CCBE1: variants seen among roughly 807,000 people sequenced by gnomAD.
CCBE1 encodes collagen and calcium-binding EGF domain-containing protein 1.
CCBE1 carries 37 observed loss-of-function variants against 50.0 expected under a neutral mutation model. That is an observed-to-expected ratio of 0.74 (90% confidence interval 0.57 to 0.97). CCBE1 has a LOEUF of 0.97. Ranked by LOEUF, CCBE1 falls within the 50% of genes least tolerant of loss-of-function variation. The pLI is 0.00. For synonymous variants in CCBE1, 234 were observed against 203.7 expected (o/e 1.15, Z -1.27); for missense variants, 538 against 523.8 (o/e 1.03, Z -0.26).
chr18:59,539,657 G>A (rs1261079455), intron 2 of CCBE1, among the ~76,000 whole-genome samples: 1 of 152,200 alleles, frequency 6.6e-6, no homozygotes, highest in Non-Finnish European at 1.5e-5. Flanking sequence ...GCTATTGGCA[G>A]TAACATCATC....
chr18:59,534,587 A>G (rs1483006812), intron 2 of CCBE1, among the ~76,000 whole-genome samples: 1 of 152,228 alleles, frequency 6.6e-6, no homozygotes, highest in Non-Finnish European at 1.5e-5. Flanking sequence ...TAGCATCAGC[A>G]TCATCTGGAA....
At chr18:59,436,831 G>A (rs1288111178) in intron 10 of CCBE1, among the ~76,000 whole-genome samples, 2 of 152,068 alleles carry the variant, frequency 1.3e-5, no homozygotes, top group African/African-American at 2.4e-5. Context: ...ATTTAGCCAG[G>A]TGTGGTGGTG....
chr18:59,692,408 C>A (rs142400866), intron 2 of CCBE1, among the ~76,000 whole-genome samples: 60 of 152,264 alleles, frequency 3.9e-4, no homozygotes, highest in African/African-American at 1.4e-3. Flanking sequence ...ACAAAACCAC[C>A]AAGTAGTAGA....
chr18:59,682,841 G>A (rs542442267), intron 2 of CCBE1, among the ~76,000 whole-genome samples: 3 of 152,324 alleles, frequency 2.0e-5, no homozygotes, highest in East Asian at 3.9e-4. Flanking sequence ...TGTAAAACAC[G>A]CAGAGTAAAT....
In CCBE1 at chr18:59,502,922, C is replaced by T. The variant is rs528664558; in HGVS notation, c.213-22684G>A. 7.2e-5 allele frequency among the ~76,000 whole-genome samples: 11 copies of T among 152,336 alleles called. No homozygotes were observed. In the South Asian group the frequency reaches 1.0e-3, roughly 14 times the overall value. ...GGATGCATACGTTCTAGATCACTAA[C>T]GCATAATAAATCCCCTTACAAAGGA... On this transcript the variant is annotated intron_variant, in intron 2 of 10. Coordinates refer to ENST00000439986, the MANE Select transcript of CCBE1 (RefSeq NM_133459.4).
At chr18:59,564,116 C>G (rs966536665) in intron 2 of CCBE1, 2 of 152,230 alleles carry the variant, frequency 1.3e-5, no homozygotes, top group African/African-American at 2.4e-5. Flanking sequence ...TAAAGACAAT[C>G]TTTATAACTA....
intron 2 of CCBE1, among the ~76,000 whole-genome samples, chr18:59,528,706 C>T (rs1914926299): frequency 6.6e-6 from 1 of 152,128 alleles, no homozygotes; most frequent in African/African-American, 2.4e-5. Context: ...AACAGTCAAG[C>T]CCCTCTTCCA....
At chr18:59,474,886 G>A (rs1042990413) in intron 3 of CCBE1, among the ~76,000 whole-genome samples, 4 of 152,088 alleles carry the variant, frequency 2.6e-5, no homozygotes, top group African/African-American at 2.4e-5. Context: ...TCAACCTTTT[G>A]GATTGTGCTA....
At chr18:59,622,285 G>C (rs952906974) in intron 2 of CCBE1, among the ~76,000 whole-genome samples, 1 of 152,186 alleles carries the variant, frequency 6.6e-6, no homozygotes, top group African/African-American at 2.4e-5. Context: ...CTGCCCTTGA[G>C]GGTAGAAGTC....
intron 4 of CCBE1, among the ~76,000 whole-genome samples, chr18:59,467,777 C>A (rs1911821869): frequency 6.6e-6 from 1 of 152,310 alleles, no homozygotes; most frequent in South Asian, 2.1e-4. Context: ...CAGCCCTGAA[C>A]TTGAGGATGG....
chr18:59,524,220 T>A (rs1174970640), intron 2 of CCBE1, among the ~76,000 whole-genome samples: 2 of 152,134 alleles, frequency 1.3e-5, no homozygotes, highest in East Asian at 3.9e-4. Context: ...CTAGGGAGGC[T>A]GAAGCAGGAG....
intron 2 of CCBE1, among the ~76,000 whole-genome samples, chr18:59,498,616 A>C (rs1012566456): frequency 1.3e-5 from 2 of 152,264 alleles, no homozygotes; most frequent in Non-Finnish European, 2.9e-5. Context: ...AGGCAAGAGT[A>C]AGAAAATGTT....
At chr18:59,476,300 A>G (rs1912302769) in intron 3 of CCBE1, among the ~76,000 whole-genome samples, 1 of 152,172 alleles carries the variant, frequency 6.6e-6, no homozygotes, top group Non-Finnish European at 1.5e-5. Flanking sequence ...GCTGGTTCTT[A>G]TGACTGCTCA....
At chr18:59,635,326 CA>C (rs909016599) in intron 2 of CCBE1, among the ~76,000 whole-genome samples, 3 of 151,466 alleles carry the variant, frequency 2.0e-5, no homozygotes, top group African/African-American at 7.3e-5. Flanking sequence ...AAGTAAAGTA[CA>C]AACAGTATGT....
chr18:59,666,109 G>C (rs770643464), intron 2 of CCBE1: 1 of 152,228 alleles, frequency 6.6e-6, no homozygotes, highest in Non-Finnish European at 1.5e-5. Context: ...TCATAATCAC[G>C]GCAAAAGGCG....
intron 2 of CCBE1, among the ~76,000 whole-genome samples, chr18:59,655,461 T>TA (rs537606282): frequency 1.3e-5 from 2 of 152,104 alleles, no homozygotes; most frequent in Admixed American, 6.6e-5. Flanking sequence ...AAGGGCTTAT[T>TA]AAAAAAACAT....
intron 3 of CCBE1, among the ~76,000 whole-genome samples, chr18:59,475,363 T>C (rs1912257107): frequency 6.6e-6 from 1 of 152,202 alleles, no homozygotes; most frequent in Non-Finnish European, 1.5e-5. Context: ...CAACATGAAA[T>C]ATAAATGGTT....
chr18:59,637,692 T>C (rs2053932355), intron 2 of CCBE1, among the ~76,000 whole-genome samples: 1 of 152,208 alleles, frequency 6.6e-6, no homozygotes, highest in Non-Finnish European at 1.5e-5. Context: ...TAAAATATAA[T>C]GAATTTCATG....
chr18:59,550,106 A>T (rs1258271600), intron 2 of CCBE1, among the ~76,000 whole-genome samples: 1 of 152,290 alleles, frequency 6.6e-6, no homozygotes, highest in Admixed American at 6.5e-5. Flanking sequence ...TTGTTTACAC[A>T]AAAGTTACCT....
Sources: gnomAD v4.1 joint callset for allele counts (sites outside exome capture counted in the v4.1 genomes callset) on GRCh38, gnomAD v4.1.1 for gene constraint, MANE v1.5 for transcripts, NCBI Gene and HGNC (gene_info 2026-07-23, HGNC 2026-07-21) for gene names.